The following LAMA4 variants were observed in gnomAD, a reference collection of about 807,000 sequenced individuals.
The protein encoded by LAMA4 is laminin subunit alpha 4.
LAMA4 carries 127 observed loss-of-function variants against 207.1 expected under a neutral mutation model. That is an observed-to-expected ratio of 0.61 (90% confidence interval 0.53 to 0.71). The LOEUF (loss-of-function observed/expected upper bound fraction) is 0.71, where lower values mean the gene tolerates loss of function less well. Ranked by LOEUF, LAMA4 falls within the 30% of genes least tolerant of loss-of-function variation. The pLI, the probability that LAMA4 is intolerant of heterozygous loss-of-function variation, is 0.00. For synonymous variants in LAMA4, 761 were observed against 816.0 expected (o/e 0.93, Z 1.15); for missense variants, 2,093 against 2,246.5 (o/e 0.93, Z 1.38).
intron 11 of LAMA4, among the ~76,000 whole-genome samples, chr6:112,173,643 A>G (rs1781852129): frequency 6.6e-6 from 1 of 152,188 alleles, no homozygotes; most frequent in Non-Finnish European, 1.5e-5. Context: ...CTGACTCAGA[A>G]CTGGGGCCTG....
intron 12 of LAMA4, among the ~76,000 whole-genome samples, chr6:112,170,998 G>A (rs900951504): frequency 1.3e-5 from 2 of 152,194 alleles, no homozygotes; most frequent in Non-Finnish European, 2.9e-5. Context: ...GTGAGGCTGA[G>A]GAGGCTGGTA....
chr6:112,130,649 T>A (rs1218241209), intron 29 of LAMA4, among the ~76,000 whole-genome samples: 4 of 152,136 alleles, frequency 2.6e-5, no homozygotes, highest in Non-Finnish European at 1.5e-5. Flanking sequence ...CAATATTTGC[T>A]GAGCTCCTTC....
At chr6:112,133,226 G>T in intron 27 of LAMA4, 123 bp downstream of exon 27, 3 of 1,021,264 alleles carry the variant, frequency 2.9e-6, no homozygotes, top group South Asian at 2.6e-5. Context: ...CTTCTTTCTG[G>T]TGGTGGCAGA....
intron 2 of LAMA4, among the ~76,000 whole-genome samples, chr6:112,251,828 G>T (rs1562114313): frequency 6.6e-6 from 1 of 152,148 alleles, no homozygotes; most frequent in South Asian, 2.1e-4. Context: ...GACCTTCCTG[G>T]AATGACTAAT....
intron 18 of LAMA4, among the ~76,000 whole-genome samples, chr6:112,146,746 G>A (rs1477535366): frequency 2.6e-5 from 4 of 152,134 alleles, no homozygotes; most frequent in Non-Finnish European, 5.9e-5. Flanking sequence ...TAGGACACAC[G>A]ATGTTTCTCC....
intron 9 of LAMA4, among the ~76,000 whole-genome samples, chr6:112,183,950 C>CAAAAAA (rs782424211): frequency 4.9e-5 from 4 of 81,706 alleles, no homozygotes; most frequent in East Asian, 3.3e-4. Flanking sequence ...GACTCCATCT[C>CAAAAAA]AAAAAAAAAA....
intron 18 of LAMA4, among the ~76,000 whole-genome samples, chr6:112,145,267 C>T (rs1779951682): frequency 1.3e-5 from 2 of 152,232 alleles, no homozygotes; most frequent in Admixed American, 6.5e-5. Context: ...GCACAGGATG[C>T]GTGCTCTTGC....
intron 2 of LAMA4, among the ~76,000 whole-genome samples, chr6:112,226,152 C>T (rs1785198451): frequency 6.6e-6 from 1 of 152,162 alleles, no homozygotes; most frequent in Non-Finnish European, 1.5e-5. Context: ...CTACTCTCTC[C>T]ATCACCAGAA....
At position 112,114,188 on chromosome 6, in the gene LAMA4, T is replaced by G. The variant is rs1777873055; in HGVS notation, c.5214A>C (p.Arg1738Ser). The change falls in exon 38 of 39, where the codon AGA becomes AGC. Residue 1738 changes from arginine (R) to serine (S), a missense_variant. By Grantham distance (110) the Arg-to-Ser change is moderately radical. Transcript: ENST00000230538. The stretch of plus-strand genomic sequence containing the variant: ...CATCCAACTGAACCACATTAGAATC[T>G]CTAATAACTGAAATGCAGGGCAAAG... Reference protein sequence around the residue: ...DGRWHRITVIRDSNVVQLDVD... With the variant: ...DGRWHRITVISDSNVVQLDVD... 1.9e-6 allele frequency: 3 copies of G among 1,613,770 alleles called. No homozygotes were observed. The highest frequency in any genetic ancestry group is 1.3e-5 in the African/African-American group (1 of 74,904).
At chr6:112,141,268 ATGTG>A (rs149046391) in intron 21 of LAMA4, 86 bp downstream of exon 21, 51 of 1,077,496 alleles carry the variant, frequency 4.7e-5, no homozygotes, top group Non-Finnish European at 6.7e-5. Context: ...AAGACTGTGT[ATGTG>A]TGTGTGTGTG....
chr6:112,186,693 A>T (rs782398126), intron 8 of LAMA4: 4 of 431,686 alleles, frequency 9.3e-6, no homozygotes, highest in South Asian at 3.4e-5. Flanking sequence ...ATACTAACAC[A>T]ATGTCAATGC....
intron 4 of LAMA4, 35 bp downstream of exon 4, chr6:112,206,986 A>G (rs1562733190): frequency 6.2e-7 from 1 of 1,612,726 alleles, no homozygotes; most frequent in East Asian, 2.2e-5. Context: ...ACATAGACTG[A>G]TCATTAGAAG....
chr6:112,142,937 C>T (rs1228137450), intron 19 of LAMA4, among the ~76,000 whole-genome samples: 2 of 152,176 alleles, frequency 1.3e-5, no homozygotes, highest in Non-Finnish European at 2.9e-5. Context: ...CTTTCCAGTG[C>T]CTGGTCCTAC....
intron 12 of LAMA4, among the ~76,000 whole-genome samples, chr6:112,167,508 T>G (rs1179835958): frequency 4.6e-5 from 7 of 152,202 alleles, no homozygotes; most frequent in Non-Finnish European, 7.4e-5. Context: ...AGACTATAAA[T>G]AAAACATTGG....
chr6:112,187,044 T>C (rs1375268997), intron 8 of LAMA4, among the ~76,000 whole-genome samples: 1 of 152,148 alleles, frequency 6.6e-6, no homozygotes, highest in African/African-American at 2.4e-5. Flanking sequence ...AGAAGGATGC[T>C]TCTAGACAAA....
intron 29 of LAMA4, among the ~76,000 whole-genome samples, chr6:112,130,388 C>A (rs1401434860): frequency 1.3e-5 from 2 of 150,846 alleles, no homozygotes; most frequent in African/African-American, 2.4e-5. Context: ...TTGTGGAAGA[C>A]CATTTTCATG....
chr6:112,160,845 G>T (rs2114807329), intron 13 of LAMA4, among the ~76,000 whole-genome samples: 1 of 152,266 alleles, frequency 6.6e-6, no homozygotes, highest in South Asian at 2.1e-4. Context: ...TGTCTTGCAG[G>T]AAAGGTAATC....
At chr6:112,164,972 A>G (rs1554339476) in intron 13 of LAMA4, among the ~76,000 whole-genome samples, 188 bp downstream of exon 13, 1 of 152,220 alleles carries the variant, frequency 6.6e-6, no homozygotes, top group African/African-American at 2.4e-5. Context: ...ATTTTAAGTA[A>G]TTTAAATTTA....
At chr6:112,234,537 G>C (rs1785764481) in intron 2 of LAMA4, 1 of 151,320 alleles carries the variant, frequency 6.6e-6, no homozygotes, top group Non-Finnish European at 1.5e-5. Context: ...ACTTTGAGGA[G>C]AAAGCGCATT....
Sources: allele counts gnomAD v4.1 joint callset (sites outside exome capture counted in the v4.1 genomes callset), GRCh38; gene constraint gnomAD v4.1.1; transcripts MANE v1.5; gene names NCBI Gene and HGNC (gene_info 2026-07-23, HGNC 2026-07-21).